Variants in FYB1 observed in about 807,000 individuals in gnomAD.
FYB1 encodes the protein FYN-binding protein 1.
In FYB1, 41 loss-of-function variants were observed where a neutral mutation model predicts 94.1. The observed-to-expected ratio is 0.44, with a 90% CI of 0.34 to 0.57. The LOEUF is 0.57. Among genes scored for constraint, FYB1 ranks in the 20% least tolerant of loss-of-function variants. FYB1 has a pLI of 0.02. For missense variants in FYB1, 1,050 were observed against 976.8 expected, an observed-to-expected ratio of 1.07 and a Z score of -1.00; for synonymous variants, 367 against 353.2, an observed-to-expected ratio of 1.04 and a Z score of -0.44.
Position 39,138,681 on chromosome 5 carries a change from C to A in FYB1, c.1370G>T (p.Ser457Ile), listed in dbSNP as rs377262147. The A allele has an allele frequency of 2.6e-6, 4 of 1,522,002 alleles. No individual in the cohort carries two copies. Among genetic ancestry groups the A allele is most frequent in the Admixed American group, 1.8e-5 (1 of 56,588 alleles). The allele number at this position is 1,522,002 out of a possible 1,614,324, so 94.3% of individuals were successfully genotyped here. A position where few individuals can be genotyped will look rare whatever the true frequency, so the allele number is the denominator to read the frequency against. ...GAGNLDEEQDSEGETYEDIEA... is the reference protein window; with the variant it reads ...GAGNLDEEQDIEGETYEDIEA... ...CATGTCTTCATATGTTTCTCCTTCACTGTCTTGTTCCTGTAAAGAAAAACA... is the reference window on the plus strand; with the variant it reads ...CATGTCTTCATATGTTTCTCCTTCAATGTCTTGTTCCTGTAAAGAAAAACA... Residue 457 changes from serine to isoleucine, a missense_variant, in exon 6 of 19, where the codon AGT (serine) becomes ATT (isoleucine). Ser to Ile is a moderately radical substitution (Grantham distance 142). Coordinates refer to ENST00000512982, the MANE Select transcript of FYB1 (RefSeq NM_001465.6).
chr5:39,260,200 T>C (rs113364725), intron 1 of FYB1, among the ~76,000 whole-genome samples: 24 of 152,312 alleles, frequency 1.6e-4, no homozygotes, highest in African/African-American at 5.8e-4. Flanking sequence ...CTGAGAATTC[T>C]AAAGAATTGA....
At chr5:39,226,170 G>A (rs1324083490) in intron 1 of FYB1, among the ~76,000 whole-genome samples, 1 of 152,178 alleles carries the variant, frequency 6.6e-6, no homozygotes, top group Non-Finnish European at 1.5e-5. Flanking sequence ...ACATGTTCAT[G>A]TGTAACCAGC....
At chr5:39,233,283 A>G (rs770382632) in intron 1 of FYB1, among the ~76,000 whole-genome samples, 28 of 152,152 alleles carry the variant, frequency 1.8e-4, no homozygotes, top group Non-Finnish European at 3.5e-4. Flanking sequence ...GCTGTGGGTA[A>G]TTAGTTGACT....
intron 14 of FYB1, 109 bp downstream of exon 14, chr5:39,122,227 A>G: frequency 1.4e-6 from 1 of 700,976 alleles, no homozygotes; most frequent in Non-Finnish European, 2.5e-6. Context: ...TCCAGAGCCA[A>G]CAGGATCGCA....
In FYB1 at chr5:39,136,133, G is replaced by A. The variant is rs893351343; in HGVS notation, c.1516-1119C>T. Among the ~76,000 whole-genome samples the A allele has an allele frequency of 5.9e-5, 9 of 151,934 alleles. No individual in the cohort carries two copies. In the East Asian group the frequency reaches 1.4e-3, roughly 23 times the overall value. On this transcript the variant is annotated intron_variant, in intron 7 of 18. Transcript: ENST00000512982. ...TGCCCAGGCTAGAGTGCCGAGGCCC[G>A]ATCTCAGCTCACTGCAAGCTCTGCC...
chr5:39,207,251 A>G (rs929962733), intron 1 of FYB1, among the ~76,000 whole-genome samples: 31 of 152,360 alleles, frequency 2.0e-4, no homozygotes, highest in African/African-American at 6.3e-4. Context: ...CTATGTATCC[A>G]TATAATGCTT....
chr5:39,135,473 C>T (rs1238664241), intron 7 of FYB1, among the ~76,000 whole-genome samples: 1 of 152,178 alleles, frequency 6.6e-6, no homozygotes, highest in African/African-American at 2.4e-5. Context: ...CAGAAATAAG[C>T]TTGTAAATCA....
rs191398546 is a variant in FYB1 at position 39,148,250 on chromosome 5, G to C, written c.1292+5198C>G. 7.3e-3 allele frequency among the ~76,000 whole-genome samples: 747 copies of C among 102,652 alleles called. 7 individuals carry two copies. Among genetic ancestry groups the C allele is most frequent in the Non-Finnish European group, 0.011 (556 of 52,402 alleles). The allele number at this position is 102,652 out of a possible 152,430, so 67.3% of individuals were successfully genotyped here. On this transcript the variant is annotated intron_variant, in intron 3 of 18. Transcript: ENST00000512982. ...TCATCATATTGCTCAAGCTGGTCTT[G>C]AATTCCTGGATTCATGTGATTGGCT...
intron 1 of FYB1, among the ~76,000 whole-genome samples, chr5:39,252,058 T>A (rs1192158472): frequency 6.6e-6 from 1 of 152,064 alleles, no homozygotes; most frequent in Non-Finnish European, 1.5e-5. Flanking sequence ...GGCAGGAGAA[T>A]GGCGTGAACA....
chr5:39,256,683 G>T (rs74652608), intron 1 of FYB1, among the ~76,000 whole-genome samples: 451 of 152,222 alleles, frequency 3.0e-3, no homozygotes, highest in African/African-American at 0.011. Context: ...GAAATTCCCT[G>T]TCTTCCCCTT....
At chr5:39,141,966 C>A (rs1443122667) in intron 3 of FYB1, among the ~76,000 whole-genome samples, 1 of 152,110 alleles carries the variant, frequency 6.6e-6, no homozygotes, top group South Asian at 2.1e-4. Flanking sequence ...TCACCCTGAA[C>A]TCCAAGGTGC....
At chr5:39,158,916 T>C (rs1190407945) in intron 2 of FYB1, among the ~76,000 whole-genome samples, 1 of 152,206 alleles carries the variant, frequency 6.6e-6, no homozygotes, top group Non-Finnish European at 1.5e-5. Context: ...TTAGAAAACT[T>C]TGATTTTATC....
chr5:39,245,243 C>T (rs1173922695), intron 1 of FYB1, among the ~76,000 whole-genome samples: 3 of 152,036 alleles, frequency 2.0e-5, no homozygotes, highest in African/African-American at 7.2e-5. Flanking sequence ...TTTCCTAATG[C>T]AAAATGAGAT....
chr5:39,193,003 A>G (rs908215904), intron 2 of FYB1, among the ~76,000 whole-genome samples: 16 of 151,348 alleles, frequency 1.1e-4, no homozygotes, highest in African/African-American at 3.4e-4. Context: ...GGCTTACACA[A>G]TGATGGCCCT....
At chr5:39,156,329 T>C (rs1743748918) in intron 2 of FYB1, among the ~76,000 whole-genome samples, 1 of 152,176 alleles carries the variant, frequency 6.6e-6, no homozygotes, top group Admixed American at 6.5e-5. Context: ...GGAAGGGGTG[T>C]GCTTGCTCTT....
chr5:39,245,446 T>C (rs1423129501), intron 1 of FYB1, among the ~76,000 whole-genome samples: 1 of 152,134 alleles, frequency 6.6e-6, no homozygotes, highest in African/African-American at 2.4e-5. Flanking sequence ...TCTGAGCTTT[T>C]GAATGGGTTC....
At chr5:39,148,380 G>GTTTTTTTT (rs1561176115) in intron 3 of FYB1, among the ~76,000 whole-genome samples, 5 of 66,484 alleles carry the variant, frequency 7.5e-5, no homozygotes, top group Admixed American at 1.7e-4. Flanking sequence ...ATTATCAGCA[G>GTTTTTTTT]GTTTTTTTTT....
intron 2 of FYB1, among the ~76,000 whole-genome samples, chr5:39,194,220 C>T (rs1747622035): frequency 6.6e-6 from 1 of 152,068 alleles, no homozygotes. Flanking sequence ...ATGTAGACTG[C>T]TTATAAAAAT....
intron 3 of FYB1, among the ~76,000 whole-genome samples, chr5:39,148,388 T>G (rs1336963198): frequency 1.2e-5 from 1 of 85,818 alleles, no homozygotes; most frequent in Non-Finnish European, 2.1e-5. Context: ...CAGGTTTTTT[T>G]TTTTTTTTTT....
Sources: gnomAD v4.1 joint callset for allele counts (sites outside exome capture counted in the v4.1 genomes callset) on GRCh38, gnomAD v4.1.1 for gene constraint, MANE v1.5 for transcripts, NCBI Gene and HGNC (gene_info 2026-07-23, HGNC 2026-07-21) for gene names.